Variants in NTN1 observed in about 807,000 individuals in gnomAD.
The protein encoded by NTN1 is netrin 1.
NTN1 carries 11 observed loss-of-function variants against 54.2 expected under a neutral mutation model. The observed-to-expected ratio is 0.20, with a 90% CI of 0.13 to 0.34. The LOEUF (loss-of-function observed/expected upper bound fraction) is 0.34. NTN1 is among the 10% of genes least tolerant of loss of function. The probability of loss-of-function intolerance (pLI) is 1.00; values close to 1 mark genes in which losing one functional copy is unlikely to be tolerated. For synonymous variants in NTN1, 371 were observed against 382.0 expected (o/e 0.97, Z 0.33); for missense variants, 740 against 893.1 (o/e 0.83, Z 2.18).
intron 5 of NTN1, chr17:9,183,572 G>A (rs2092425385): frequency 2.4e-5 from 7 of 294,726 alleles, no homozygotes; most frequent in South Asian, 1.2e-4. Flanking sequence ...CATAAATATC[G>A]TTCATGCTGG....
At chr17:9,131,089 G>A (rs138093564) in intron 2 of NTN1, among the ~76,000 whole-genome samples, 4 of 152,114 alleles carry the variant, frequency 2.6e-5, no homozygotes, top group Non-Finnish European at 4.4e-5. Flanking sequence ...CAGGGCCTTT[G>A]CACTGGCTGT....
intron 2 of NTN1, among the ~76,000 whole-genome samples, chr17:9,107,892 A>G (rs1201580062): frequency 1.3e-5 from 2 of 152,230 alleles, no homozygotes; most frequent in Non-Finnish European, 2.9e-5. Context: ...CTTTTTGGAC[A>G]ACATTTCCTA....
chr17:9,114,164 AAAATAT>A (rs1248248544), intron 2 of NTN1, among the ~76,000 whole-genome samples: 3 of 80,534 alleles, frequency 3.7e-5, no homozygotes, highest in African/African-American at 1.6e-4. Flanking sequence ...AAAAAAAAAA[AAAATAT>A]ATATATATAT....
chr17:9,088,199 G>A lies in NTN1; in HGVS notation c.1018+64808G>A, dbSNP rs190983607. Among the ~76,000 whole-genome samples the A allele has an allele frequency of 1.7e-3, 261 of 152,354 alleles. 1 individual carries two copies. The highest frequency in any genetic ancestry group is 5.2e-3 in the African/African-American group (217 of 41,578). On this transcript the variant is annotated intron_variant, in intron 2 of 6. Coordinates refer to ENST00000173229, the MANE Select transcript of NTN1 (RefSeq NM_004822.3). ...GACAGGGGACCAGCTCCCGACGGCCGTGCCGAGGGACTTCTGTGGGTGCCC... is the reference window on the plus strand; with the variant it reads ...GACAGGGGACCAGCTCCCGACGGCCATGCCGAGGGACTTCTGTGGGTGCCC...
chr17:9,232,065 C>T (rs997590424), intron 6 of NTN1, among the ~76,000 whole-genome samples: 16 of 152,150 alleles, frequency 1.1e-4, no homozygotes, highest in South Asian at 2.1e-4. Context: ...GGGAGGGCCT[C>T]GGGGGAGGGG....
At chr17:9,025,238 G>A (rs1320467052) in intron 2 of NTN1, among the ~76,000 whole-genome samples, 1 of 152,190 alleles carries the variant, frequency 6.6e-6, no homozygotes, top group Non-Finnish European at 1.5e-5. Flanking sequence ...CCGTCAGTTT[G>A]GATGTGGACA....
intron 3 of NTN1, among the ~76,000 whole-genome samples, chr17:9,170,821 CA>C (rs2092385295): frequency 6.6e-6 from 1 of 152,054 alleles, no homozygotes; most frequent in African/African-American, 2.4e-5. Flanking sequence ...GCTCCTGCCC[CA>C]CTGTGTCGTA....
chr17:9,072,540 T>C, intron 2 of NTN1, among the ~76,000 whole-genome samples: 1 of 152,102 alleles, frequency 6.6e-6, no homozygotes, highest in East Asian at 1.9e-4. Flanking sequence ...AAGGTGGCTG[T>C]TTGACCTGGT....
chr17:9,228,276 C>T (rs1339425967), intron 6 of NTN1, among the ~76,000 whole-genome samples: 2 of 152,170 alleles, frequency 1.3e-5, no homozygotes, highest in Admixed American at 6.5e-5. Context: ...AAGCAGGGCT[C>T]CTCGGTGGAG....
chr17:9,141,210 T>G (rs2142280164), intron 2 of NTN1, among the ~76,000 whole-genome samples: 1 of 149,188 alleles, frequency 6.7e-6, no homozygotes, highest in Non-Finnish European at 1.5e-5. Flanking sequence ...GACAGATCAT[T>G]GAATTGGGGG....
intron 2 of NTN1, among the ~76,000 whole-genome samples, chr17:9,098,352 C>T (rs2092138943): frequency 6.6e-6 from 1 of 152,220 alleles, no homozygotes; most frequent in East Asian, 1.9e-4. Flanking sequence ...CTGGGAGGCA[C>T]CTGTGCAGTC....
intron 3 of NTN1, among the ~76,000 whole-genome samples, chr17:9,163,785 G>A (rs942536646): frequency 1.4e-5 from 2 of 144,672 alleles, no homozygotes; most frequent in African/African-American, 4.9e-5. Context: ...GGTGAGAAGC[G>A]GGGCCCCCCC....
intron 5 of NTN1, among the ~76,000 whole-genome samples, chr17:9,207,392 CCTAAA>C (rs1348991287): frequency 1.3e-5 from 2 of 152,146 alleles, no homozygotes; most frequent in African/African-American, 4.8e-5. Flanking sequence ...TGCCATGGCT[CCTAAA>C]CTAGAGTAAA....
chr17:9,105,248 G>C (rs2092162191), intron 2 of NTN1, among the ~76,000 whole-genome samples: 1 of 152,150 alleles, frequency 6.6e-6, no homozygotes. Context: ...GGGTCAGCTT[G>C]GTCTGCTCCA....
intron 2 of NTN1, among the ~76,000 whole-genome samples, chr17:9,042,963 C>G (rs553365830): frequency 9.2e-5 from 14 of 152,236 alleles, no homozygotes; most frequent in Admixed American, 9.2e-4. Context: ...AGAATTAGCC[C>G]ATCTGAGCCC....
intron 2 of NTN1, among the ~76,000 whole-genome samples, chr17:9,088,067 C>A (rs752159457): frequency 6.6e-6 from 1 of 152,180 alleles, no homozygotes; most frequent in Non-Finnish European, 1.5e-5. Flanking sequence ...AGAGCTGAGA[C>A]GCATACTGCT....
At chr17:9,115,951 C>A (rs906756007) in intron 2 of NTN1, among the ~76,000 whole-genome samples, 1 of 152,242 alleles carries the variant, frequency 6.6e-6, no homozygotes, top group Non-Finnish European at 1.5e-5. Flanking sequence ...AAACATGAGC[C>A]GAAGGGGCGG....
At chr17:9,014,456 C>T in the NTN1 span, among the ~76,000 whole-genome samples, 3 of 152,198 alleles carry the variant, frequency 2.0e-5, no homozygotes, top group East Asian at 1.9e-4. Context: ...GTTTTAAAAT[C>T]GCCGACCAAC....
chr17:9,003,828 C>A, the NTN1 span, among the ~76,000 whole-genome samples: 1 of 152,100 alleles, frequency 6.6e-6, no homozygotes, highest in African/African-American at 2.4e-5. This position sits in a 1 kb window ranked among gnomAD's most constrained non-coding sequence, Gnocchi z 7.4. Flanking sequence ...CTTTCACAGA[C>A]AGAAAATGCC....
Sources: gnomAD v4.1 joint callset for allele counts (sites outside exome capture counted in the v4.1 genomes callset) on GRCh38, gnomAD v4.1.1 for gene constraint, Gnocchi (gnomAD v3.1) non-coding constraint, MANE v1.5 for transcripts, NCBI Gene and HGNC (gene_info 2026-07-23, HGNC 2026-07-21) for gene names.